The following CSTPP1 variants were observed in gnomAD, a reference collection of about 807,000 sequenced individuals.
The protein encoded by CSTPP1 is UPF0705 protein C11orf49.
the CSTPP1 span, among the ~76,000 whole-genome samples, chr11:47,120,044 TG>T: frequency 1.3e-5 from 2 of 151,980 alleles, no homozygotes; most frequent in Non-Finnish European, 2.9e-5. This position sits in a 1 kb window ranked among gnomAD's most constrained non-coding sequence, Gnocchi z 4.2. Context: ...CTCCAAAAAA[TG>T]TGCTTTCAAC....
the CSTPP1 span, among the ~76,000 whole-genome samples, chr11:47,014,525 A>G: frequency 6.6e-6 from 1 of 151,974 alleles, no homozygotes; most frequent in African/African-American, 2.4e-5. Context: ...CCAACGCGGA[A>G]AAACCCCATC....
At chr11:47,145,237 C>T in the CSTPP1 span, among the ~76,000 whole-genome samples, 1 of 151,982 alleles carries the variant, frequency 6.6e-6, no homozygotes, top group East Asian at 2.0e-4. Context: ...CTGCCTGCCT[C>T]GGCCTCCCAA....
chr11:46,969,112 G>A, the CSTPP1 span, among the ~76,000 whole-genome samples: 1 of 152,108 alleles, frequency 6.6e-6, no homozygotes, highest in Admixed American at 6.5e-5. Context: ...TTAAAAAGAT[G>A]AATATAGGTC....
At chr11:47,022,040 T>G in the CSTPP1 span, among the ~76,000 whole-genome samples, 8 of 151,924 alleles carry the variant, frequency 5.3e-5, no homozygotes, top group African/African-American at 1.7e-4. Context: ...ATATGGTTTT[T>G]TTTTTTTTTT....
the CSTPP1 span, among the ~76,000 whole-genome samples, chr11:46,947,350 A>G: frequency 2.6e-5 from 4 of 152,170 alleles, no homozygotes; most frequent in African/African-American, 4.8e-5. Context: ...AGCTCATTCT[A>G]TGATTGGAAT....
the CSTPP1 span, chr11:47,155,926 G>T: frequency 6.6e-6 from 1 of 152,284 alleles, no homozygotes; most frequent in Non-Finnish European, 1.5e-5. Context: ...AATAAATATA[G>T]ACAAATAAAT....
At chr11:47,161,089 C>T in the CSTPP1 span, 1 of 1,613,418 alleles carries the variant, frequency 6.2e-7, no homozygotes, top group East Asian at 2.2e-5. Context: ...GGCTGAAGGG[C>T]CCTCAGATTA....
the CSTPP1 span, among the ~76,000 whole-genome samples, chr11:46,954,472 C>T: frequency 6.6e-6 from 1 of 152,018 alleles, no homozygotes; most frequent in Non-Finnish European, 1.5e-5. Context: ...TCGCTTGAAC[C>T]CTGGAGGCAG....
the CSTPP1 span, among the ~76,000 whole-genome samples, chr11:47,070,484 A>T: frequency 6.9e-4 from 105 of 152,304 alleles, 1 homozygote; most frequent in African/African-American, 2.4e-3. Context: ...GACCACAGCC[A>T]GCAGGCAAGG....
At chr11:47,068,664 C>T in the CSTPP1 span, among the ~76,000 whole-genome samples, 3 of 152,050 alleles carry the variant, frequency 2.0e-5, no homozygotes, top group Non-Finnish European at 2.9e-5. Flanking sequence ...TTCCAGTCAC[C>T]GTACAAATAT....
chr11:47,052,227 C>A, the CSTPP1 span: 1 of 874,178 alleles, frequency 1.1e-6, no homozygotes, highest in South Asian at 2.0e-5. Flanking sequence ...TATGAAGAGA[C>A]TTCCCCATAG....
At chr11:47,097,116 C>T in the CSTPP1 span, among the ~76,000 whole-genome samples, 3 of 138,626 alleles carry the variant, frequency 2.2e-5, no homozygotes, top group South Asian at 2.4e-4. Flanking sequence ...GTCAGCCCCC[C>T]GCCTGGCCAG....
chr11:47,040,294 C>A, the CSTPP1 span, among the ~76,000 whole-genome samples: 3 of 128,144 alleles, frequency 2.3e-5, 1 homozygote, highest in Admixed American at 2.5e-4. Context: ...TTTCAAATAA[C>A]TTTGTTTCAT....
chr11:47,011,241 C>T, the CSTPP1 span, among the ~76,000 whole-genome samples: 1 of 152,152 alleles, frequency 6.6e-6, no homozygotes, highest in Non-Finnish European at 1.5e-5. Flanking sequence ...ATTTTTATTA[C>T]ATTTTCTTCT....
the CSTPP1 span, among the ~76,000 whole-genome samples, chr11:47,078,927 A>T: frequency 6.6e-6 from 1 of 152,150 alleles, no homozygotes; most frequent in East Asian, 1.9e-4. Context: ...TAATAAAGCC[A>T]ATCAATATGG....
chr11:47,086,243 A>C, the CSTPP1 span, among the ~76,000 whole-genome samples: 38 of 147,182 alleles, frequency 2.6e-4, 1 homozygote, highest in Non-Finnish European at 3.3e-4. Flanking sequence ...CCAAAAAAAA[A>C]AAAAAAAAAA....
the CSTPP1 span, chr11:47,161,888 G>A: frequency 7.8e-7 from 1 of 1,287,036 alleles, no homozygotes; most frequent in Non-Finnish European, 9.9e-7. Context: ...GACAGACTGT[G>A]CTGAGGCCAC....
At chr11:47,044,293 T>G in the CSTPP1 span, among the ~76,000 whole-genome samples, 4 of 152,138 alleles carry the variant, frequency 2.6e-5, no homozygotes, top group African/African-American at 9.7e-5. Flanking sequence ...GGACAGTTTA[T>G]TTTTATTTAT....
At chr11:46,988,465 A>G in the CSTPP1 span, among the ~76,000 whole-genome samples, 2 of 152,208 alleles carry the variant, frequency 1.3e-5, no homozygotes, top group African/African-American at 4.8e-5. Flanking sequence ...CAGGCACAGA[A>G]AGACAAACAT....
Sources: gnomAD v4.1 joint callset for allele counts (sites outside exome capture counted in the v4.1 genomes callset) on GRCh38, gnomAD v4.1.1 for gene constraint, Gnocchi (gnomAD v3.1) non-coding constraint, MANE v1.5 for transcripts, NCBI Gene and HGNC (gene_info 2026-07-23, HGNC 2026-07-21) for gene names.